NOVA1: variants seen among roughly 807,000 people sequenced by gnomAD.
NOVA1 encodes the protein NOVA alternative splicing regulator 1.
In NOVA1, 7 loss-of-function variants were observed where a neutral mutation model predicts 38.0. The ratio of observed to expected loss-of-function variants is 0.18; its 90% CI spans 0.10 to 0.35. The LOEUF (loss-of-function observed/expected upper bound fraction) is 0.35, where lower values mean the gene tolerates loss of function less well. Among genes scored for constraint, NOVA1 ranks in the 10% least tolerant of loss-of-function variants. NOVA1 has a pLI of 1.00. For synonymous variants in NOVA1, 270 were observed against 232.5 expected, an observed-to-expected ratio of 1.16 and a Z score of -1.47; for missense variants, 460 against 616.0, an observed-to-expected ratio of 0.75 and a Z score of 2.68.
At chr14:26,510,292 C>T (rs1369442306) in intron 2 of NOVA1, among the ~76,000 whole-genome samples, 1 of 152,020 alleles carries the variant, frequency 6.6e-6, no homozygotes, top group Non-Finnish European at 1.5e-5. Flanking sequence ...TAGTTAGCCT[C>T]CCTCAGTGGT....
In NOVA1 at chr14:26,448,589, T is replaced by A. The variant is rs1308725040; in HGVS notation, c.894A>T (p.Ala298=). The change falls in exon 5 of 5, where the codon GCA becomes GCT. Residue 298 remains alanine (A), a synonymous_variant. Transcript: ENST00000539517. This position sits in a 1 kb window ranked among gnomAD's most constrained non-coding sequence, Gnocchi z 5.3. Reference sequence around the variant, plus strand: ...AGCCAGATAAAACTGCTGGAAAGGCTGCAACGCCAGCAAGGTTAGCATGTC... The same window carrying A: ...AGCCAGATAAAACTGCTGGAAAGGCAGCAACGCCAGCAAGGTTAGCATGTC... ...LLGHANLAGV[A]AFPAVLSGFT... is the part of the protein sequence containing the mutation. 1 of 1,614,112 alleles carries A rather than the reference T, an allele frequency of 6.2e-7. No homozygotes were observed. Among genetic ancestry groups the A allele is most frequent in the African/African-American group, 1.3e-5 (1 of 74,936 alleles).
intron 4 of NOVA1, among the ~76,000 whole-genome samples, chr14:26,463,951 T>C (rs926489406): frequency 6.6e-6 from 1 of 152,214 alleles, no homozygotes; most frequent in African/African-American, 2.4e-5. Flanking sequence ...TTCTCATGTA[T>C]TTGTTCATTT....
intron 2 of NOVA1, among the ~76,000 whole-genome samples, chr14:26,523,919 T>TTC (rs1889102789): frequency 4.0e-5 from 6 of 151,878 alleles, no homozygotes; most frequent in African/African-American, 1.5e-4. Flanking sequence ...CCCAGCTAAT[T>TTC]TTTTTGTATT....
At chr14:26,547,689 A>C (rs1007159613) in intron 2 of NOVA1, among the ~76,000 whole-genome samples, 3 of 152,156 alleles carry the variant, frequency 2.0e-5, no homozygotes, top group Non-Finnish European at 2.9e-5. Context: ...TTCAGTAAAT[A>C]AAATGAATGG....
chr14:26,536,554 T>C (rs1463295758), intron 2 of NOVA1, among the ~76,000 whole-genome samples: 1 of 151,654 alleles, frequency 6.6e-6, no homozygotes, highest in Admixed American at 6.6e-5. Context: ...CTGGCATAAC[T>C]AGATTACTAT....
chr14:26,504,695 G>T (rs1887491475), intron 2 of NOVA1, among the ~76,000 whole-genome samples: 1 of 151,114 alleles, frequency 6.6e-6, no homozygotes, highest in Non-Finnish European at 1.5e-5. Context: ...TTTTTACTGT[G>T]ATATCTTCAG....
chr14:26,524,917 T>C (rs2138520639), intron 2 of NOVA1, among the ~76,000 whole-genome samples: 1 of 152,336 alleles, frequency 6.6e-6, no homozygotes, highest in Non-Finnish European at 1.5e-5. Flanking sequence ...AGTTTTGTAA[T>C]TATCTCCTTA....
intron 2 of NOVA1, among the ~76,000 whole-genome samples, chr14:26,572,318 C>G (rs953871015): frequency 6.6e-6 from 1 of 152,020 alleles, no homozygotes; most frequent in Non-Finnish European, 1.5e-5. Flanking sequence ...CAAAATTAAC[C>G]AATTTTTCCA....
chr14:26,523,428 C>T (rs1055573271), intron 2 of NOVA1, among the ~76,000 whole-genome samples: 1 of 152,182 alleles, frequency 6.6e-6, no homozygotes, highest in South Asian at 2.1e-4. Flanking sequence ...AGCTCACATT[C>T]TCTTCTCTTC....
intron 2 of NOVA1, among the ~76,000 whole-genome samples, chr14:26,591,226 C>T (rs1893824423): frequency 6.6e-6 from 1 of 151,518 alleles, no homozygotes; most frequent in African/African-American, 2.4e-5. Flanking sequence ...TTATGTTTCT[C>T]CTTCAACTGT....
chr14:26,544,472 G>A (rs556958856), intron 2 of NOVA1, among the ~76,000 whole-genome samples: 18 of 148,384 alleles, frequency 1.2e-4, no homozygotes, highest in African/African-American at 4.5e-4. Context: ...AAAACATAAG[G>A]TTAAAAAAAA....
intron 4 of NOVA1, among the ~76,000 whole-genome samples, chr14:26,457,434 G>C (rs2138592514): frequency 6.6e-6 from 1 of 152,146 alleles, no homozygotes; most frequent in African/African-American, 2.4e-5. Context: ...TGTATTCAAT[G>C]GTGATCTTAC....
intron 2 of NOVA1, among the ~76,000 whole-genome samples, chr14:26,492,499 A>G (rs956735732): frequency 2.0e-5 from 3 of 152,142 alleles, no homozygotes; most frequent in Admixed American, 2.0e-4. Context: ...CTTTTCCATA[A>G]ATTCCTTTTA....
chr14:26,480,076 A>G lies in NOVA1; in HGVS notation c.348T>C (p.Ile116=), dbSNP rs368171797. The change falls in exon 3 of 5, where the codon ATT becomes ATC. Residue 116 remains isoleucine (I), a synonymous_variant. Coordinates refer to ENST00000539517, the MANE Select transcript of NOVA1 (RefSeq NM_002515.3). The part of the protein sequence containing the change: ...VEALNAVHGF[I]AEKIREMPQN... ...GGGGCATTTCTCGAATTTTTTCTGC[A>G]ATGAATCCATGAACTGCATTCAGTG... 9.3e-6 allele frequency: 15 copies of G among 1,613,928 alleles called. No individual in the cohort carries two copies. The highest frequency in any genetic ancestry group is 1.3e-5 in the Non-Finnish European group (15 of 1,179,992).
intron 2 of NOVA1, among the ~76,000 whole-genome samples, chr14:26,496,348 T>C (rs1886779827): frequency 6.6e-6 from 1 of 152,016 alleles, no homozygotes; most frequent in Admixed American, 6.6e-5. Context: ...GGGGTTGTTT[T>C]TTTCTTGTAA....
intron 2 of NOVA1, among the ~76,000 whole-genome samples, chr14:26,549,055 G>A (rs982980496): frequency 3.9e-5 from 6 of 152,082 alleles, no homozygotes; most frequent in African/African-American, 1.2e-4. Flanking sequence ...TACTTGCAAG[G>A]CTGAGGCAGG....
At position 26,476,831 on chromosome 14, in the gene NOVA1, C is replaced by T. The variant is rs903785240; in HGVS notation, c.447+3146G>A. Among the ~76,000 whole-genome samples the T allele has an allele frequency of 3.4e-4, 51 of 148,546 alleles. 2 individuals are homozygous for T. The highest frequency in any genetic ancestry group is 1.3e-3 in the African/African-American group (48 of 38,272). ...ACCAGGGTTCAAGCGATTCTCCTGC[C>T]TCAGCCTCCCAGCAGCTGTGACTAC... On this transcript the variant is annotated intron_variant, in intron 3 of 4. Coordinates refer to ENST00000539517, the MANE Select transcript of NOVA1 (RefSeq NM_002515.3).
In NOVA1 at chr14:26,446,112, A is replaced by C. The variant is rs1277300747; in HGVS notation, c.*1847T>G. ...AAAATCATTCTCTAAATAAATATTTAGAGATAGAGAACTCTAAATGAAATA... is the reference window on the plus strand; with the variant it reads ...AAAATCATTCTCTAAATAAATATTTCGAGATAGAGAACTCTAAATGAAATA... On this transcript the variant is annotated 3_prime_UTR_variant, in exon 5 of 5. Coordinates refer to ENST00000539517, the MANE Select transcript of NOVA1 (RefSeq NM_002515.3). The C allele has an allele frequency of 6.6e-6, 1 of 152,428 alleles. No homozygotes were observed. Among genetic ancestry groups the C allele is most frequent in the Non-Finnish European group, 1.5e-5 (1 of 68,006 alleles). 9.4% of individuals were successfully genotyped at this position (152,428 alleles called of 1,614,324 possible).
intron 3 of NOVA1, among the ~76,000 whole-genome samples, chr14:26,472,818 A>G (rs1014449673): frequency 2.6e-5 from 4 of 152,200 alleles, no homozygotes; most frequent in Admixed American, 2.6e-4. Flanking sequence ...AAGTGGTGAA[A>G]TGAAGTTTAC....
Sources: gnomAD v4.1 joint callset for allele counts (sites outside exome capture counted in the v4.1 genomes callset) on GRCh38, gnomAD v4.1.1 for gene constraint, Gnocchi (gnomAD v3.1) non-coding constraint, MANE v1.5 for transcripts, NCBI Gene and HGNC (gene_info 2026-07-23, HGNC 2026-07-21) for gene names.